Variants in BAG2 observed in about 807,000 individuals in gnomAD.
BAG2 encodes BAG family molecular chaperone regulator 2.
In BAG2, 8 loss-of-function variants were observed where a neutral mutation model predicts 16.4. The observed-to-expected ratio is 0.49, with a 90% CI of 0.29 to 0.88. The LOEUF is 0.88. Among genes scored for constraint, BAG2 ranks in the 40% least tolerant of loss-of-function variants. The pLI is 0.09. For synonymous variants in BAG2, 82 were observed against 89.2 expected (o/e 0.92, Z 0.46); for missense variants, 218 against 248.9 (o/e 0.88, Z 0.84).
intron 1 of BAG2, among the ~76,000 whole-genome samples, chr6:57,181,123 G>T (rs948328884): frequency 6.6e-6 from 1 of 152,210 alleles, no homozygotes; most frequent in Non-Finnish European, 1.5e-5. Context: ...CTTTGCTGTG[G>T]AGAGTGGATA....
rs1025688053 is a variant in BAG2, at chr6:57,188,879, T to C, written c.*4689T>C. ...AGGACACACCCAGGAAATTTGATTT[T>C]CTCAACATTAGGAGGATGAGGGGAG... On this transcript the variant is annotated 3_prime_UTR_variant, in exon 3 of 3. Coordinates refer to ENST00000370693, the MANE Select transcript of BAG2 (RefSeq NM_004282.4). 4 of 152,130 alleles carry C rather than the reference T, an allele frequency of 2.6e-5. No homozygotes were observed. Among genetic ancestry groups the C allele is most frequent in the Non-Finnish European group, 4.4e-5 (3 of 68,006 alleles). The allele number at this position is 152,130 out of a possible 1,614,324, so 9.4% of individuals were successfully genotyped here.
At chr6:57,174,198 T>C in intron 1 of BAG2, 1 of 1,085,460 alleles carries the variant, frequency 9.2e-7, no homozygotes, top group Admixed American at 4.0e-5. Flanking sequence ...AATGTTTCTT[T>C]TTAGGGAGCC....
At chr6:57,181,537 C>A (rs1285201369) in intron 1 of BAG2, among the ~76,000 whole-genome samples, 1 of 152,094 alleles carries the variant, frequency 6.6e-6, no homozygotes, top group Non-Finnish European at 1.5e-5. Flanking sequence ...TTGAGACCAG[C>A]CTGGCCAACA....
chr6:57,179,328 C>T (rs1210707289), intron 1 of BAG2, among the ~76,000 whole-genome samples: 1 of 152,142 alleles, frequency 6.6e-6, no homozygotes, highest in African/African-American at 2.4e-5. Flanking sequence ...CGATTCTTCC[C>T]AGTTCTTTGC....
intron 1 of BAG2, among the ~76,000 whole-genome samples, chr6:57,181,588 G>A (rs969536737): frequency 1.3e-5 from 2 of 152,004 alleles, no homozygotes; most frequent in African/African-American, 4.8e-5. Context: ...GAAATTAGCC[G>A]GGCCTGGAGG....
At chr6:57,175,730 G>C (rs1020870627) in intron 1 of BAG2, among the ~76,000 whole-genome samples, 1 of 152,168 alleles carries the variant, frequency 6.6e-6, no homozygotes, top group African/African-American at 2.4e-5. Context: ...ACATGTGGAG[G>C]CTCCTGGAAG....
At chr6:57,180,077 A>G (rs577098513) in intron 1 of BAG2, among the ~76,000 whole-genome samples, 1 of 152,212 alleles carries the variant, frequency 6.6e-6, no homozygotes, top group South Asian at 2.1e-4. Context: ...AAATGAATAC[A>G]TGTAAATCAA....
At position 57,188,504 on chromosome 6, in the gene BAG2, A is replaced by G. The variant is rs995791112; in HGVS notation, c.*4314A>G. On this transcript the variant is annotated 3_prime_UTR_variant, in exon 3 of 3. Coordinates refer to ENST00000370693, the MANE Select transcript of BAG2 (RefSeq NM_004282.4). ...AAAAGAACTAACTAGAACACATATA[A>G]CAAGTGATTTTTCTGCCAATAAAGA... is the stretch of plus-strand genomic sequence containing the variant. 1 of 152,186 alleles carries G rather than the reference A, an allele frequency of 6.6e-6. No homozygotes were observed. The highest frequency in any genetic ancestry group is 2.4e-5 in the African/African-American group (1 of 41,474). The allele number at this position is 152,186 out of a possible 1,614,324, so 9.4% of individuals were successfully genotyped here. A position where few individuals can be genotyped will look rare whatever the true frequency, so the allele number is the denominator to read the frequency against.
intron 1 of BAG2, 98 bp from the exon 2 acceptor site, chr6:57,181,934 G>T: frequency 2.0e-6 from 2 of 1,013,528 alleles, no homozygotes; most frequent in Non-Finnish European, 2.9e-6. Context: ...AAAGTTTGGT[G>T]ATCTTTAAAC....
intron 1 of BAG2, among the ~76,000 whole-genome samples, chr6:57,175,831 G>A (rs1764269112): frequency 6.6e-6 from 1 of 152,156 alleles, no homozygotes; most frequent in African/African-American, 2.4e-5. Context: ...GTAAATATAA[G>A]TAAGTGTTTC....
Position 57,187,420 on chromosome 6 carries a change from T to G in BAG2, c.*3230T>G, listed in dbSNP as rs1368105261. 1 of 151,954 alleles carries G rather than the reference T, an allele frequency of 6.6e-6. No homozygotes were observed. Among genetic ancestry groups the G allele is most frequent in the East Asian group, 1.9e-4 (1 of 5,194 alleles). 9.4% of individuals were successfully genotyped at this position (151,954 alleles called of 1,614,324 possible). ...GTTTTATAGCTGAAAACCTAAGGAG[T>G]GACAATAGTACATGTGACATTCTTA... is the stretch of plus-strand genomic sequence containing the variant. On this transcript the variant is annotated 3_prime_UTR_variant, in exon 3 of 3. Coordinates refer to ENST00000370693, the MANE Select transcript of BAG2 (RefSeq NM_004282.4).
chr6:57,184,255 T>C lies in BAG2; in HGVS notation c.*65T>C, dbSNP rs1351863466. On this transcript the variant is annotated 3_prime_UTR_variant, in exon 3 of 3. Transcript: ENST00000370693. ...AAAAATGATAAAATACTATTTTAAT[T>C]GATAACTAGTTCTTTGTTAGGTATA... 1.5e-6 allele frequency: 2 copies of C among 1,360,774 alleles called. No homozygotes were observed. Among genetic ancestry groups the C allele is most frequent in the East Asian group, 2.6e-5 (1 of 38,076 alleles). 84.3% of individuals were successfully genotyped at this position (1,360,774 alleles called of 1,614,324 possible). A position where few individuals can be genotyped will look rare whatever the true frequency, so the allele number is the denominator to read the frequency against.
chr6:57,178,503 A>C (rs1281739576), intron 1 of BAG2, among the ~76,000 whole-genome samples: 3 of 152,194 alleles, frequency 2.0e-5, no homozygotes, highest in Admixed American at 2.0e-4. Context: ...CTAAGGAAAC[A>C]ATTCCTGCTG....
intron 1 of BAG2, 46 bp downstream of exon 1, chr6:57,172,856 G>A: frequency 1.4e-6 from 2 of 1,403,188 alleles, no homozygotes; most frequent in Non-Finnish European, 1.9e-6. Flanking sequence ...CGCCGCGCGG[G>A]CGGTTCGCGG....
chr6:57,181,450 GGGA>G (rs1764440663), intron 1 of BAG2, among the ~76,000 whole-genome samples: 1 of 152,210 alleles, frequency 6.6e-6, no homozygotes, highest in Non-Finnish European at 1.5e-5. Flanking sequence ...CCAGCACTTT[GGGA>G]GGCTGCGGTG....
rs143362760 is a variant in BAG2, at chr6:57,189,083, G to A, written c.*4893G>A. On this transcript the variant is annotated 3_prime_UTR_variant, in exon 3 of 3. Coordinates refer to ENST00000370693, the MANE Select transcript of BAG2 (RefSeq NM_004282.4). ...TTTATAGGTTAAAAATAAAGCCATT[G>A]ATGAGTGATAATCAGTTTTAACAGA... 31 of 152,318 alleles carry A rather than the reference G, an allele frequency of 2.0e-4. No homozygotes were observed. The highest frequency in any genetic ancestry group is 7.5e-4 in the African/African-American group (31 of 41,578). 9.4% of individuals were successfully genotyped at this position (152,318 alleles called of 1,614,324 possible).
At chr6:57,177,868 G>C (rs929838767) in intron 1 of BAG2, among the ~76,000 whole-genome samples, 1 of 152,176 alleles carries the variant, frequency 6.6e-6, no homozygotes, top group African/African-American at 2.4e-5. Context: ...TTGCCGTTTC[G>C]ATACTGAGAC....
chr6:57,174,641 T>C (rs1764227879), intron 1 of BAG2, among the ~76,000 whole-genome samples: 1 of 152,106 alleles, frequency 6.6e-6, no homozygotes, highest in South Asian at 2.1e-4. Context: ...TTTAAAAAAG[T>C]AATACTAGCT....
chr6:57,175,410 A>G (rs1044175116), intron 1 of BAG2, among the ~76,000 whole-genome samples: 7 of 150,078 alleles, frequency 4.7e-5, no homozygotes, highest in African/African-American at 1.7e-4. Flanking sequence ...TTTAGGCCTC[A>G]GGAAAAAGAA....
Sources: allele counts gnomAD v4.1 joint callset (sites outside exome capture counted in the v4.1 genomes callset), GRCh38; gene constraint gnomAD v4.1.1; transcripts MANE v1.5; gene names NCBI Gene and HGNC (gene_info 2026-07-23, HGNC 2026-07-21).